LYPLAL1: variants seen among roughly 807,000 people sequenced by gnomAD.
LYPLAL1 encodes the protein lysophospholipase-like protein 1.
Under a neutral mutation model 19.7 loss-of-function variants are expected in LYPLAL1, and 23 were observed. That is an observed-to-expected ratio of 1.17 (90% CI 0.84 to 1.65). The LOEUF (loss-of-function observed/expected upper bound fraction) is 1.65. Among genes scored for constraint, LYPLAL1 ranks in the 40% most tolerant of loss-of-function variants. The pLI, the probability that LYPLAL1 is intolerant of heterozygous loss-of-function variation, is 0.00. For missense variants in LYPLAL1, 355 were observed against 279.4 expected (o/e 1.27, Z -1.93); for synonymous variants, 119 against 96.3 (o/e 1.24, Z -1.38).
chr1:219,230,621 A>G, the LYPLAL1 span, among the ~76,000 whole-genome samples: 13 of 152,238 alleles, frequency 8.5e-5, no homozygotes, highest in Non-Finnish European at 8.8e-5. Flanking sequence ...TTATAATTAA[A>G]GATTAGCAGA....
At chr1:219,370,730 C>A in the LYPLAL1 span, among the ~76,000 whole-genome samples, 1 of 152,292 alleles carries the variant, frequency 6.6e-6, no homozygotes, top group East Asian at 1.9e-4. Context: ...AAAGGAATGC[C>A]ATAGCTATAT....
the LYPLAL1 span, among the ~76,000 whole-genome samples, chr1:219,232,718 C>G: frequency 6.6e-6 from 1 of 151,926 alleles, no homozygotes; most frequent in African/African-American, 2.4e-5. Flanking sequence ...AAACAATTGG[C>G]AAAGGATTTG....
chr1:219,369,335 G>T, the LYPLAL1 span, among the ~76,000 whole-genome samples: 1 of 152,232 alleles, frequency 6.6e-6, no homozygotes. Context: ...GCAGTGGCAT[G>T]ATCTTGGCTC....
At position 219,176,505 on chromosome 1, in the gene LYPLAL1, T is replaced by G. The variant is rs997692302; in HGVS notation, c.91+2524T>G. On this transcript the variant is annotated intron_variant, in intron 1 of 4. Coordinates refer to ENST00000366928, the MANE Select transcript of LYPLAL1 (RefSeq NM_138794.5). ...ATGTAATGGACATTTTCAGTCGTCC[T>G]CTTACGTGAACTGTCATCTGCATTC... 2.6e-5 allele frequency among the ~76,000 whole-genome samples: 4 copies of G among 152,352 alleles called. No individual in the cohort carries two copies. In the South Asian group the frequency reaches 6.2e-4, roughly 24 times the overall value.
chr1:219,331,823 G>A, the LYPLAL1 span, among the ~76,000 whole-genome samples: 18 of 152,124 alleles, frequency 1.2e-4, no homozygotes, highest in African/African-American at 4.1e-4. Context: ...ACAATTTTGT[G>A]GGTAATGAAG....
intron 2 of LYPLAL1, chr1:219,179,450 T>A (rs1656085686): frequency 3.9e-6 from 2 of 510,148 alleles, no homozygotes; most frequent in African/African-American, 4.0e-5. Flanking sequence ...TCCCTTTCTG[T>A]AAAGCATTCC....
At chr1:219,366,679 T>C in the LYPLAL1 span, among the ~76,000 whole-genome samples, 1 of 152,188 alleles carries the variant, frequency 6.6e-6, no homozygotes, top group South Asian at 2.1e-4. Flanking sequence ...TCAAGTTACA[T>C]GGCCAAACCT....
chr1:219,213,526 A>G (rs1281802497), downstream of LYPLAL1, among the ~76,000 whole-genome samples: 1 of 151,748 alleles, frequency 6.6e-6, no homozygotes, highest in African/African-American at 2.4e-5. Flanking sequence ...CATCCTTACT[A>G]TGTTGAATCT....
the LYPLAL1 span, among the ~76,000 whole-genome samples, chr1:219,257,252 T>A: frequency 6.6e-6 from 1 of 152,006 alleles, no homozygotes; most frequent in African/African-American, 2.4e-5. Flanking sequence ...TGTCTAGAAT[T>A]ATTGTATATA....
At chr1:219,410,703 G>T in the LYPLAL1 span, among the ~76,000 whole-genome samples, 65 of 152,218 alleles carry the variant, frequency 4.3e-4, no homozygotes, top group African/African-American at 1.5e-3. Flanking sequence ...GGGCCAGCTG[G>T]AGTTCCTGGT....
the LYPLAL1 span, among the ~76,000 whole-genome samples, chr1:219,353,013 T>C: frequency 1.3e-5 from 2 of 152,264 alleles, no homozygotes; most frequent in Admixed American, 1.3e-4. Flanking sequence ...CTAGCCCTCC[T>C]GCTGCAAGCA....
the LYPLAL1 span, among the ~76,000 whole-genome samples, chr1:219,441,853 G>A: frequency 6.6e-6 from 1 of 152,120 alleles, no homozygotes; most frequent in African/African-American, 2.4e-5. Flanking sequence ...ATAGCTTCAA[G>A]GGAGTCTGGG....
chr1:219,355,363 AG>A, the LYPLAL1 span, among the ~76,000 whole-genome samples: 2 of 152,240 alleles, frequency 1.3e-5, no homozygotes, highest in Non-Finnish European at 2.9e-5. Context: ...AAAACAAGCA[AG>A]CAATCCCAAA....
chr1:219,374,278 G>T, the LYPLAL1 span, among the ~76,000 whole-genome samples: 2 of 151,858 alleles, frequency 1.3e-5, no homozygotes, highest in East Asian at 3.9e-4. Context: ...CTCCAGCTGT[G>T]TTCTTACCAG....
chr1:219,299,752 A>G, the LYPLAL1 span, among the ~76,000 whole-genome samples: 1 of 152,140 alleles, frequency 6.6e-6, no homozygotes, highest in Non-Finnish European at 1.5e-5. Context: ...AAAATATATC[A>G]ATGGTTCAGA....
chr1:219,252,819 C>T, the LYPLAL1 span, among the ~76,000 whole-genome samples: 1,723 of 152,112 alleles, frequency 0.011, 18 homozygotes, highest in Non-Finnish European at 0.015. Context: ...AGGAGGAGTC[C>T]CTCCTTTCCA....
chr1:219,227,777 G>C, the LYPLAL1 span, among the ~76,000 whole-genome samples: 2,117 of 152,300 alleles, frequency 0.014, 63 homozygotes, highest in Admixed American at 0.083. Flanking sequence ...ACGGAGAACA[G>C]TATATGTTTA....
At chr1:219,314,787 C>T in the LYPLAL1 span, among the ~76,000 whole-genome samples, 52,219 of 152,046 alleles carry the variant, frequency 0.34, 9,846 homozygotes, top group East Asian at 0.81. Context: ...GAATCTTGAG[C>T]TAGCATGTCT....
At chr1:219,348,961 A>G in the LYPLAL1 span, among the ~76,000 whole-genome samples, 2 of 152,212 alleles carry the variant, frequency 1.3e-5, no homozygotes, top group African/African-American at 2.4e-5. Context: ...CATCTCAGCT[A>G]TTATATCATT....
Sources: gnomAD v4.1 joint callset for allele counts (sites outside exome capture counted in the v4.1 genomes callset) on GRCh38, gnomAD v4.1.1 for gene constraint, MANE v1.5 for transcripts, NCBI Gene and HGNC (gene_info 2026-07-23, HGNC 2026-07-21) for gene names.